FBXL17: variants seen among roughly 807,000 people sequenced by gnomAD.
FBXL17 encodes F-box and leucine rich repeat protein 17.
Under a neutral mutation model 66.2 loss-of-function variants are expected in FBXL17, and 22 were observed. The ratio of observed to expected loss-of-function variants is 0.33; its 90% CI spans 0.24 to 0.47. The LOEUF (loss-of-function observed/expected upper bound fraction) is 0.47. FBXL17 is among the 20% of genes least tolerant of loss of function. The pLI is 1.00. For missense variants in FBXL17, 878 were observed against 948.2 expected (o/e 0.93, Z 0.97); for synonymous variants, 474 against 400.5 (o/e 1.18, Z -2.19).
At chr5:108,221,843 G>C (rs1022789826) in intron 5 of FBXL17, among the ~76,000 whole-genome samples, 3 of 152,058 alleles carry the variant, frequency 2.0e-5, no homozygotes, top group Non-Finnish European at 4.4e-5. Flanking sequence ...AATTAAAATA[G>C]CTAAAATAGC....
chr5:107,924,059 T>A (rs12515141), intron 7 of FBXL17, among the ~76,000 whole-genome samples: 1 of 86,160 alleles, frequency 1.2e-5, no homozygotes, highest in Non-Finnish European at 2.4e-5. Flanking sequence ...ATGAGCTTAG[T>A]GTTTTTTTTT....
At chr5:108,117,038 C>T (rs1580464170) in intron 6 of FBXL17, among the ~76,000 whole-genome samples, 1 of 152,240 alleles carries the variant, frequency 6.6e-6, no homozygotes, top group Non-Finnish European at 1.5e-5. Context: ...ATTGGGAAAT[C>T]GACTTAAGGC....
intron 7 of FBXL17, among the ~76,000 whole-genome samples, chr5:107,977,398 C>A (rs1332232483): frequency 6.6e-6 from 1 of 152,148 alleles, no homozygotes; most frequent in African/African-American, 2.4e-5. Context: ...GCTAAACTTT[C>A]AACAATCTTG....
intron 7 of FBXL17, among the ~76,000 whole-genome samples, chr5:107,963,696 T>C (rs769411138): frequency 4.6e-5 from 7 of 152,156 alleles, no homozygotes; most frequent in Non-Finnish European, 1.0e-4. Context: ...GATGTTATTA[T>C]TATCATAATA....
chr5:108,254,330 G>A (rs944165532), intron 4 of FBXL17, among the ~76,000 whole-genome samples: 6 of 152,052 alleles, frequency 3.9e-5, no homozygotes, highest in African/African-American at 1.4e-4. Context: ...TATATTCTCT[G>A]GTATTTTAGA....
intron 6 of FBXL17, among the ~76,000 whole-genome samples, chr5:108,032,969 G>T (rs925275041): frequency 3.9e-5 from 6 of 152,140 alleles, no homozygotes; most frequent in African/African-American, 1.4e-4. Flanking sequence ...GACAAAAAAA[G>T]AAAACCTATA....
At chr5:107,862,853 A>T (rs549887201) in intron 8 of FBXL17, among the ~76,000 whole-genome samples, 2 of 142,312 alleles carry the variant, frequency 1.4e-5, no homozygotes, top group South Asian at 4.3e-4. Flanking sequence ...GCCTGCTTAG[A>T]AGTATGATGA....
chr5:108,298,606 CT>C (rs927234405), intron 4 of FBXL17: 40 of 940,752 alleles, frequency 4.3e-5, no homozygotes, highest in East Asian at 1.2e-4. Flanking sequence ...AAATATAAAT[CT>C]TTTTTTTAAT....
intron 6 of FBXL17, among the ~76,000 whole-genome samples, chr5:108,159,745 G>A (rs1309685719): frequency 1.3e-5 from 2 of 152,070 alleles, no homozygotes; most frequent in African/African-American, 4.8e-5. Context: ...AAAAGTGTTC[G>A]GATAGACTTT....
chr5:108,059,342 G>A (rs1016640215), intron 6 of FBXL17, among the ~76,000 whole-genome samples: 4 of 152,154 alleles, frequency 2.6e-5, no homozygotes, highest in African/African-American at 9.7e-5. Context: ...AGAGGCCTTA[G>A]GAGTTATCAT....
intron 4 of FBXL17, among the ~76,000 whole-genome samples, chr5:108,290,842 T>C (rs1446112873): frequency 6.6e-6 from 1 of 152,186 alleles, no homozygotes; most frequent in African/African-American, 2.4e-5. Flanking sequence ...TGATGGCATA[T>C]TAAGCAATTT....
rs762421958 is a variant in FBXL17 at position 107,861,706 on chromosome 5, G to A, written c.*14C>T. ...CTGCTGAATGATCCCAGTGGACTAGGCGAGGCAGGAGCGCTAGGAGGAGGC... is the reference window on the plus strand; with the variant it reads ...CTGCTGAATGATCCCAGTGGACTAGACGAGGCAGGAGCGCTAGGAGGAGGC... On this transcript the variant is annotated 3_prime_UTR_variant, in exon 9 of 9. Coordinates refer to ENST00000542267, the MANE Select transcript of FBXL17 (RefSeq NM_001163315.3). 7.7e-6 allele frequency: 12 copies of A among 1,561,150 alleles called. No homozygotes were observed. In the South Asian group the frequency reaches 1.5e-4, roughly 19 times the overall value.
At chr5:108,160,290 G>A (rs946860540) in intron 6 of FBXL17, among the ~76,000 whole-genome samples, 1 of 152,126 alleles carries the variant, frequency 6.6e-6, no homozygotes, top group Non-Finnish European at 1.5e-5. Flanking sequence ...CTTAGAAAAC[G>A]GGTTACACAC....
intron 6 of FBXL17, among the ~76,000 whole-genome samples, chr5:108,170,992 C>T (rs558205714): frequency 5.9e-5 from 9 of 152,232 alleles, no homozygotes; most frequent in South Asian, 2.1e-4. Context: ...TTTAATACCA[C>T]GAAATACCAA....
rs911706499 is a variant in FBXL17, at chr5:108,213,649, C to T, written c.1614+10472G>A. Among the ~76,000 whole-genome samples, 11 of 152,226 alleles carry T rather than the reference C, an allele frequency of 7.2e-5. No homozygotes were observed. The East Asian group carries it at 9.7e-4, about 13-fold the overall frequency. On this transcript the variant is annotated intron_variant, in intron 5 of 8. Coordinates refer to ENST00000542267, the MANE Select transcript of FBXL17 (RefSeq NM_001163315.3). ...TCCAACCAGTCCCAGTGAGATGAAC[C>T]GGGTACCTCAGTTGGAAATGCAGAA...
chr5:108,211,415 T>C (rs939353336), intron 5 of FBXL17, among the ~76,000 whole-genome samples: 1 of 152,220 alleles, frequency 6.6e-6, no homozygotes, highest in Non-Finnish European at 1.5e-5. Context: ...AGTTTCTTCA[T>C]AGTATCGATG....
intron 6 of FBXL17, among the ~76,000 whole-genome samples, chr5:108,109,580 A>G (rs1042727361): frequency 1.3e-5 from 2 of 152,174 alleles, no homozygotes; most frequent in African/African-American, 4.8e-5. Context: ...CATAAAACTT[A>G]TATTTAAATA....
Position 107,963,290 on chromosome 5 carries a change from G to T in FBXL17, c.1822+57635C>A, listed in dbSNP as rs1396135029. On this transcript the variant is annotated intron_variant, in intron 7 of 8. Transcript: ENST00000542267. ...GCCAGGTACTGTTGTTAGCACTGAT[G>T]AATAAGACAGACATAGTCCCCTGGT... Among the ~76,000 whole-genome samples, 3 of 152,036 alleles carry T rather than the reference G, an allele frequency of 2.0e-5. No homozygotes were observed. The East Asian group carries it at 5.8e-4, about 29-fold the overall frequency.
At chr5:108,130,184 CATT>C (rs899523375) in intron 6 of FBXL17, among the ~76,000 whole-genome samples, 2 of 150,802 alleles carry the variant, frequency 1.3e-5, no homozygotes, top group Non-Finnish European at 3.0e-5. Context: ...AGAAAGAAAA[CATT>C]AAACAGGTTT....
Sources: allele counts gnomAD v4.1 joint callset (sites outside exome capture counted in the v4.1 genomes callset), GRCh38; gene constraint gnomAD v4.1.1; transcripts MANE v1.5; gene names NCBI Gene and HGNC (gene_info 2026-07-23, HGNC 2026-07-21).